PNO1: variants seen among roughly 807,000 people sequenced by gnomAD.
PNO1 encodes the protein RNA-binding protein PNO1.
A neutral mutation model predicts 28.4 loss-of-function variants in PNO1; 16 were observed. The ratio of observed to expected loss-of-function variants is 0.56; its 90% confidence interval spans 0.38 to 0.85. The LOEUF (loss-of-function observed/expected upper bound fraction) is 0.85, where lower values mean the gene tolerates loss of function less well. Among genes scored for constraint, PNO1 ranks in the 40% least tolerant of loss-of-function variants. The pLI is 0.00. For synonymous variants in PNO1, 115 were observed against 110.8 expected (o/e 1.04, Z -0.24); for missense variants, 304 against 312.2 (o/e 0.97, Z 0.20).
intron 2 of PNO1, among the ~76,000 whole-genome samples, chr2:68,159,860 T>C (rs1003465360): frequency 2.0e-5 from 3 of 152,134 alleles, no homozygotes; most frequent in African/African-American, 7.2e-5. Flanking sequence ...CTTCATTGTT[T>C]GACGTCTCTC....
chr2:68,171,800 G>A (rs989450924), intron 5 of PNO1, among the ~76,000 whole-genome samples: 17 of 152,106 alleles, frequency 1.1e-4, no homozygotes, highest in Admixed American at 2.6e-4. Flanking sequence ...TGAATAGGAA[G>A]TCATTGGATG....
At chr2:68,172,885 T>C (rs1165730055) in intron 5 of PNO1, among the ~76,000 whole-genome samples, 2 of 152,142 alleles carry the variant, frequency 1.3e-5, no homozygotes, top group Admixed American at 1.3e-4. Context: ...ATTCTTTGTC[T>C]TTTCTAATAA....
At chr2:68,160,881 A>T (rs1211059368) in intron 2 of PNO1, among the ~76,000 whole-genome samples, 3 of 152,242 alleles carry the variant, frequency 2.0e-5, no homozygotes, top group Non-Finnish European at 4.4e-5. Flanking sequence ...GCACAAGCCC[A>T]TATGGTTTTA....
At chr2:68,164,523 C>T (rs1179022936) in intron 5 of PNO1, among the ~76,000 whole-genome samples, 5 of 152,110 alleles carry the variant, frequency 3.3e-5, no homozygotes, top group Non-Finnish European at 5.9e-5. Context: ...ATAGTCTGGG[C>T]GCAGTGGATC....
chr2:68,171,822 A>G (rs1196858042), intron 5 of PNO1, among the ~76,000 whole-genome samples: 1 of 152,088 alleles, frequency 6.6e-6, no homozygotes, highest in Non-Finnish European at 1.5e-5. Flanking sequence ...TTGTGAGCAG[A>G]GGAAGGGAGG....
chr2:68,158,543 C>G lies in PNO1; in HGVS notation c.357+14C>G, dbSNP rs766730454. On this transcript the variant is annotated intron_variant, in intron 2 of 6. Coordinates refer to ENST00000263657, the MANE Select transcript of PNO1 (RefSeq NM_020143.4). Reference sequence around the variant, plus strand: ...GTAGAAATCAGGGTAAGGAAAATCTCAATCATTTCCCAATACACCAGGCTT... The same window carrying G: ...GTAGAAATCAGGGTAAGGAAAATCTGAATCATTTCCCAATACACCAGGCTT... 6.2e-7 allele frequency: 1 copy of G among 1,606,224 alleles called. No homozygotes were observed. The highest frequency in any genetic ancestry group is 1.1e-5 in the South Asian group (1 of 90,202).
intron 6 of PNO1, 54 bp from the exon 7 acceptor site, chr2:68,174,681 A>G: frequency 8.5e-7 from 1 of 1,178,790 alleles, no homozygotes; most frequent in South Asian, 1.3e-5. Context: ...GGACAACTGT[A>G]GGCGCTATAA....
chr2:68,165,225 G>A (rs554776825), intron 5 of PNO1, among the ~76,000 whole-genome samples: 293 of 151,166 alleles, frequency 1.9e-3, no homozygotes, highest in African/African-American at 6.8e-3. Context: ...TTAGCCGGGC[G>A]TAGTGGCGGG....
chr2:68,160,006 T>C (rs1673789241), intron 2 of PNO1, among the ~76,000 whole-genome samples: 1 of 147,664 alleles, frequency 6.8e-6, no homozygotes, highest in African/African-American at 2.6e-5. Flanking sequence ...TCTTGCTCCG[T>C]TGCCCAGGCT....
intron 5 of PNO1, among the ~76,000 whole-genome samples, chr2:68,171,058 A>T (rs1178952427): frequency 6.6e-6 from 1 of 152,146 alleles, no homozygotes; most frequent in Non-Finnish European, 1.5e-5. Flanking sequence ...ATTCGTGTTC[A>T]GTATTACCTG....
At position 68,170,621 on chromosome 2, in the gene PNO1, A is replaced by G. The variant is rs538781939; in HGVS notation, c.621-2726A>G. ...AAATTAGTCGGGCGTGGTGGTGGGC[A>G]CCTGTAGTCCCAGTTACTTGGGAGG... On this transcript the variant is annotated intron_variant, in intron 5 of 6. Coordinates refer to ENST00000263657, the MANE Select transcript of PNO1 (RefSeq NM_020143.4). Among the ~76,000 whole-genome samples the G allele has an allele frequency of 2.6e-3, 396 of 151,858 alleles. 2 individuals are homozygous for G. Among genetic ancestry groups the G allele is most frequent in the Non-Finnish European group, 3.7e-3 (248 of 67,936 alleles).
At chr2:68,161,565 GA>G in intron 2 of PNO1, 117 bp from the exon 3 acceptor site, 1 of 686,128 alleles carries the variant, frequency 1.5e-6, no homozygotes. Context: ...ATATATTAGG[GA>G]AAGGTGGTGG....
At chr2:68,168,719 TTTTTA>T (rs1467404264) in intron 5 of PNO1, among the ~76,000 whole-genome samples, 6 of 152,126 alleles carry the variant, frequency 3.9e-5, no homozygotes, top group Non-Finnish European at 7.4e-5. Context: ...AGGGGCTTTA[TTTTTA>T]TTTTATAAGA....
chr2:68,174,288 GTTTTTT>G (rs34323809), intron 6 of PNO1, among the ~76,000 whole-genome samples: 13 of 106,800 alleles, frequency 1.2e-4, no homozygotes, highest in African/African-American at 2.6e-4. Flanking sequence ...TTCTGTTAAG[GTTTTTT>G]TTTTTTTTTT....
chr2:68,168,335 A>T (rs1242392189), intron 5 of PNO1, among the ~76,000 whole-genome samples: 1 of 152,206 alleles, frequency 6.6e-6, no homozygotes, highest in African/African-American at 2.4e-5. Flanking sequence ...GGGACATGAC[A>T]ACTGAATGCA....
rs375137424 is a variant in PNO1, at chr2:68,157,924, G to C, written c.-11G>C. ...CGTGTTTCAGCCGGCAGCGCTTTAA[G>C]ATTTCCGGGGATGGAATCCGAAATG... On this transcript the variant is annotated 5_prime_UTR_variant, in exon 1 of 7. Coordinates refer to ENST00000263657, the MANE Select transcript of PNO1 (RefSeq NM_020143.4). The C allele has an allele frequency of 1.2e-6, 2 of 1,613,134 alleles. No homozygotes were observed. Among genetic ancestry groups the C allele is most frequent in the African/African-American group, 1.3e-5 (1 of 74,932 alleles).
intron 2 of PNO1, 126 bp downstream of exon 2, chr2:68,158,655 AC>A: frequency 1.3e-6 from 1 of 796,126 alleles, no homozygotes; most frequent in Non-Finnish European, 1.9e-6. Flanking sequence ...TTAAAAATTT[AC>A]CATATTGAGT....
chr2:68,168,736 A>T (rs888793681), intron 5 of PNO1, among the ~76,000 whole-genome samples: 6 of 152,022 alleles, frequency 3.9e-5, no homozygotes, highest in African/African-American at 1.5e-4. Flanking sequence ...TTTATAAGAT[A>T]AAGGGGTATT....
rs77159787 is a variant in PNO1 at position 68,162,852 on chromosome 2, T to C, written c.620+189T>C. 6.2e-3 allele frequency among the ~76,000 whole-genome samples: 952 copies of C among 152,350 alleles called. 3 individuals are homozygous for C. The highest frequency in any genetic ancestry group is 0.011 in the Non-Finnish European group (750 of 68,032). On this transcript the variant is annotated intron_variant, in intron 5 of 6. Transcript: ENST00000263657. ...AAATGCATTTAATATGCCTGACTTA[T>C]GGAACATTATAGCTTAGCATAGCCT...
Sources: allele counts gnomAD v4.1 joint callset (sites outside exome capture counted in the v4.1 genomes callset), GRCh38; gene constraint gnomAD v4.1.1; transcripts MANE v1.5; gene names NCBI Gene and HGNC (gene_info 2026-07-23, HGNC 2026-07-21).